The following MTX2 variants were observed in gnomAD, a reference collection of about 807,000 sequenced individuals.
MTX2 encodes the protein metaxin-2.
In MTX2, 35 loss-of-function variants were observed where a neutral mutation model predicts 42.3. That is an observed-to-expected ratio of 0.83 (90% CI 0.63 to 1.10). The LOEUF (loss-of-function observed/expected upper bound fraction) is 1.10, where lower values mean the gene tolerates loss of function less well. MTX2 is among the 50% of genes least tolerant of loss of function. The pLI is 0.00. For missense variants in MTX2, 307 were observed against 304.1 expected (o/e 1.01, Z -0.07); for synonymous variants, 119 against 100.9 (o/e 1.18, Z -1.08).
chr2:176,295,453 A>T (rs1425741862), intron 1 of MTX2, among the ~76,000 whole-genome samples: 2 of 152,150 alleles, frequency 1.3e-5, no homozygotes, highest in Non-Finnish European at 2.9e-5. Flanking sequence ...TTACTTTGTT[A>T]AAAGTTGACA....
chr2:176,328,978 C>T, intron 7 of MTX2, 66 bp downstream of exon 7: 1 of 1,336,628 alleles, frequency 7.5e-7, no homozygotes, highest in Non-Finnish European at 1.1e-6. Flanking sequence ...CTCAGAATCG[C>T]AAGTCCCTGC....
intron 3 of MTX2, among the ~76,000 whole-genome samples, chr2:176,301,102 A>T (rs969990929): frequency 2.0e-5 from 3 of 152,184 alleles, no homozygotes; most frequent in Admixed American, 2.0e-4. Context: ...CTAAAAATTA[A>T]TATTGAATGC....
intron 1 of MTX2, among the ~76,000 whole-genome samples, chr2:176,286,783 A>G (rs950331530): frequency 6.6e-6 from 1 of 152,094 alleles, no homozygotes. Context: ...TCCTGACCTC[A>G]GGTGATCCAC....
At chr2:176,313,610 C>T (rs932245272) in intron 3 of MTX2, among the ~76,000 whole-genome samples, 2 of 151,998 alleles carry the variant, frequency 1.3e-5, no homozygotes, top group African/African-American at 4.8e-5. Context: ...GCCAGCTGGT[C>T]TTGAGCTCCT....
At chr2:176,332,970 C>T (rs1684896190) in intron 9 of MTX2, among the ~76,000 whole-genome samples, 1 of 151,030 alleles carries the variant, frequency 6.6e-6, no homozygotes, top group Non-Finnish European at 1.5e-5. Flanking sequence ...TTACTGAGTG[C>T]CAGAAAAATC....
At chr2:176,292,649 T>C (rs1693354679) in intron 1 of MTX2, among the ~76,000 whole-genome samples, 1 of 152,224 alleles carries the variant, frequency 6.6e-6, no homozygotes, top group Non-Finnish European at 1.5e-5. Context: ...CCTAGAATGA[T>C]ACCTGCGTGA....
At chr2:176,275,983 G>T (rs1475652326) in intron 1 of MTX2, among the ~76,000 whole-genome samples, 2 of 152,218 alleles carry the variant, frequency 1.3e-5, no homozygotes, top group Non-Finnish European at 2.9e-5. Flanking sequence ...TCTAACCTGG[G>T]TTCTTATTCA....
chr2:176,280,430 A>G (rs1693051738), intron 1 of MTX2, among the ~76,000 whole-genome samples: 2 of 152,246 alleles, frequency 1.3e-5, no homozygotes, highest in South Asian at 2.1e-4. Context: ...CTGGCAAGTT[A>G]CTTTTGCAGT....
intron 3 of MTX2, among the ~76,000 whole-genome samples, chr2:176,301,576 C>T (rs1446652806): frequency 6.6e-6 from 1 of 152,076 alleles, no homozygotes; most frequent in Non-Finnish European, 1.5e-5. Context: ...AAACAGTGAG[C>T]TCAAAGTTAC....
At chr2:176,305,694 AT>A (rs1209294221) in intron 3 of MTX2, among the ~76,000 whole-genome samples, 2 of 152,114 alleles carry the variant, frequency 1.3e-5, no homozygotes, top group East Asian at 3.9e-4. Flanking sequence ...AAATAACCTG[AT>A]TTTTTTCTAT....
rs968407277 is a variant in MTX2, at chr2:176,276,269, C to T, written c.40+6600C>T. On this transcript the variant is annotated intron_variant, in intron 1 of 9. Coordinates refer to ENST00000249442, the MANE Select transcript of MTX2 (RefSeq NM_006554.5). ...CAAGATATATACATTTGATATGCTC[C>T]AGCCATGTTTATTTTCATTATAAAA... Among the ~76,000 whole-genome samples the T allele has an allele frequency of 2.6e-5, 4 of 152,156 alleles. No individual in the cohort carries two copies. The East Asian group carries it at 7.7e-4, about 29-fold the overall frequency.
At chr2:176,305,933 C>CT (rs1040701192) in intron 3 of MTX2, among the ~76,000 whole-genome samples, 10 of 151,942 alleles carry the variant, frequency 6.6e-5, no homozygotes, top group African/African-American at 2.2e-4. Context: ...ATTTTTTATA[C>CT]TTTAAGTTCT....
At chr2:176,337,352 T>C (rs1458065511) in intron 9 of MTX2, 141 bp from the exon 10 acceptor site, 2 of 650,514 alleles carry the variant, frequency 3.1e-6, no homozygotes, top group Non-Finnish European at 4.9e-6. Flanking sequence ...TATATTGTTA[T>C]TTCTAATCTT....
At chr2:176,332,844 T>C (rs1361685246) in intron 9 of MTX2, among the ~76,000 whole-genome samples, 1 of 151,448 alleles carries the variant, frequency 6.6e-6, no homozygotes, top group African/African-American at 2.4e-5. Context: ...AGCATTAATA[T>C]AGATGATACT....
intron 1 of MTX2, among the ~76,000 whole-genome samples, chr2:176,284,217 C>T (rs910823672): frequency 1.3e-5 from 2 of 151,830 alleles, no homozygotes; most frequent in African/African-American, 2.4e-5. Flanking sequence ...GTAGCTGGGA[C>T]TACAGGTGCA....
rs774430488 is a variant in MTX2, at chr2:176,329,383, G to GT, written c.501dup (p.Lys168Ter). ...TATCAAAAACAGTGGGAAGTCAAAC[G>GT]TAAGATGAAAGCTATTGGATGGGGA... is the stretch of plus-strand genomic sequence containing the variant. On this transcript the variant is annotated frameshift_variant, in exon 8 of 10. Transcript: ENST00000249442. LOFTEE classifies it high-confidence loss of function. 1 of 1,607,566 alleles carries GT rather than the reference G, an allele frequency of 6.2e-7. No individual in the cohort carries two copies.
intron 1 of MTX2, among the ~76,000 whole-genome samples, chr2:176,285,144 G>T (rs1693164989): frequency 6.6e-6 from 1 of 152,156 alleles, no homozygotes; most frequent in Admixed American, 6.5e-5. Context: ...TTCAAATCCT[G>T]GCTGCTGTCA....
chr2:176,317,724 T>A (rs904948567), intron 3 of MTX2, among the ~76,000 whole-genome samples: 1 of 152,144 alleles, frequency 6.6e-6, no homozygotes, highest in Non-Finnish European at 1.5e-5. Context: ...TGAACCTCGA[T>A]CAGTATGTAT....
intron 3 of MTX2, among the ~76,000 whole-genome samples, chr2:176,300,765 A>G (rs1684006040): frequency 6.6e-6 from 1 of 152,154 alleles, no homozygotes; most frequent in Non-Finnish European, 1.5e-5. Flanking sequence ...TGTAAAATAG[A>G]AATATAATAG....
Sources: allele counts gnomAD v4.1 joint callset (sites outside exome capture counted in the v4.1 genomes callset), GRCh38; gene constraint gnomAD v4.1.1; transcripts MANE v1.5; gene names NCBI Gene and HGNC (gene_info 2026-07-23, HGNC 2026-07-21).